The following ZNF346 variants were observed in gnomAD, a reference collection of about 807,000 sequenced individuals.
ZNF346 encodes double-stranded RNA-binding zinc finger protein JAZ.
In ZNF346, 23 loss-of-function variants were observed where a neutral mutation model predicts 33.7. The ratio of observed to expected loss-of-function variants is 0.68; its 90% CI spans 0.49 to 0.97. The LOEUF (loss-of-function observed/expected upper bound fraction) is 0.97. ZNF346 is among the 50% of genes least tolerant of loss of function. The pLI, the probability that ZNF346 is intolerant of heterozygous loss-of-function variation, is 0.00. For missense variants in ZNF346, 340 were observed against 371.1 expected (o/e 0.92, Z 0.69); for synonymous variants, 134 against 142.4 (o/e 0.94, Z 0.42).
Position 177,035,633 on chromosome 5 carries a change from CTTTTT to C in ZNF346, c.176-5475_176-5471del, listed in dbSNP as rs57259759. ...CTTACCATCACACCCGGCTAATTGACTTTTTTTTTTTTTTTTTTTTTTGAGACAGT... is the reference window on the plus strand; with the variant it reads ...CTTACCATCACACCCGGCTAATTGACTTTTTTTTTTTTTTTTTGAGACAGT... On this transcript the variant is annotated intron_variant, in intron 1 of 6. Coordinates refer to ENST00000358149, the MANE Select transcript of ZNF346 (RefSeq NM_012279.4). Among the ~76,000 whole-genome samples, 440 of 102,050 alleles carry C rather than the reference CTTTTT, an allele frequency of 4.3e-3. 3 individuals carry two copies. Among genetic ancestry groups the C allele is most frequent in the African/African-American group, 0.012 (309 of 24,770 alleles). The allele number at this position is 102,050 out of a possible 152,430, so 66.9% of individuals were successfully genotyped here.
chr5:177,059,113 G>T (rs1782147613), intron 5 of ZNF346, among the ~76,000 whole-genome samples: 1 of 152,204 alleles, frequency 6.6e-6, no homozygotes, highest in Non-Finnish European at 1.5e-5. Flanking sequence ...CATTCATTTA[G>T]TCAAGTCACC....
intron 1 of ZNF346, among the ~76,000 whole-genome samples, chr5:177,039,621 C>T (rs1779072111): frequency 6.6e-6 from 1 of 152,144 alleles, no homozygotes; most frequent in African/African-American, 2.4e-5. Flanking sequence ...GCCACCACCC[C>T]CGGCTAGTTT....
rs1046844320 is a variant in ZNF346 at position 177,022,925 on chromosome 5, G to C, written c.175+12G>C. The C allele has an allele frequency of 6.9e-7, 1 of 1,458,006 alleles. No individual in the cohort carries two copies. Among genetic ancestry groups the C allele is most frequent in the Non-Finnish European group, 9.0e-7 (1 of 1,105,926 alleles). The allele number at this position is 1,458,006 out of a possible 1,614,324, so 90.3% of individuals were successfully genotyped here. A position where few individuals can be genotyped will look rare whatever the true frequency, so the allele number is the denominator to read the frequency against. On this transcript the variant is annotated intron_variant, in intron 1 of 6. Transcript: ENST00000358149. ...GGGTAGAGAGGAAGGTGAGTCGGGG[G>C]CTTTGGAGGCAGAAAGCCCCTCGCC...
chr5:177,024,626 G>A (rs1776509519), intron 1 of ZNF346, among the ~76,000 whole-genome samples: 1 of 152,210 alleles, frequency 6.6e-6, no homozygotes, highest in Non-Finnish European at 1.5e-5. Context: ...GAGTATCAGA[G>A]GAAGATACTG....
At chr5:177,062,948 T>C (rs540738391) in intron 6 of ZNF346, among the ~76,000 whole-genome samples, 1 of 152,276 alleles carries the variant, frequency 6.6e-6, no homozygotes, top group South Asian at 2.1e-4. Flanking sequence ...GGCTCAGAAG[T>C]AGGCTATGGC....
chr5:177,025,241 C>G (rs1776590617), intron 1 of ZNF346, among the ~76,000 whole-genome samples: 1 of 152,144 alleles, frequency 6.6e-6, no homozygotes, highest in South Asian at 2.1e-4. Context: ...ATTAGTACTT[C>G]ATTCCTTTTT....
chr5:177,027,062 CT>C (rs1052318590), intron 1 of ZNF346, among the ~76,000 whole-genome samples: 2 of 151,754 alleles, frequency 1.3e-5, no homozygotes, highest in African/African-American at 4.8e-5. Flanking sequence ...AAGTTATCTT[CT>C]TTTTTTTCAG....
At chr5:177,048,062 T>C (rs1780335479) in intron 4 of ZNF346, among the ~76,000 whole-genome samples, 1 of 152,226 alleles carries the variant, frequency 6.6e-6, no homozygotes, top group African/African-American at 2.4e-5. Context: ...CGTCTAATGC[T>C]GAACATTTAA....
At chr5:177,075,298 GA>G (rs1463556282) in intron 8 of ZNF346, among the ~76,000 whole-genome samples, 2 of 152,000 alleles carry the variant, frequency 1.3e-5, no homozygotes, top group Non-Finnish European at 2.9e-5. Flanking sequence ...AGCTACTCAT[GA>G]GGCTGAGGCG....
intron 1 of ZNF346, among the ~76,000 whole-genome samples, chr5:177,027,643 C>G (rs979303444): frequency 7.0e-6 from 1 of 142,158 alleles, no homozygotes; most frequent in African/African-American, 2.5e-5. Flanking sequence ...CTAAGCTTTT[C>G]TTTCTTCCTT....
chr5:177,062,098 G>A lies in ZNF346; in HGVS notation c.744G>A (p.Leu248=), dbSNP rs1782619990. ...GYPCKTCKIV[L]NSIEQYQAHV... is the part of the protein sequence containing the mutation. ...CCTGCAAAACATGTAAGATAGTGCT[G>A]AACTCCATAGAACAGTACCAAGCTC... Residue 248 remains leucine, a synonymous_variant, in exon 6 of 7, where the codon CTG becomes CTA. Transcript: ENST00000358149. 2 of 1,613,980 alleles carry A rather than the reference G, an allele frequency of 1.2e-6. No individual in the cohort carries two copies. Among genetic ancestry groups the A allele is most frequent in the African/African-American group, 1.3e-5 (1 of 74,924 alleles).
At chr5:177,058,099 G>T (rs978493227) in intron 5 of ZNF346, among the ~76,000 whole-genome samples, 5 of 151,476 alleles carry the variant, frequency 3.3e-5, no homozygotes, top group Non-Finnish European at 5.9e-5. Context: ...GGGATTACAG[G>T]CATGAGCCAC....
chr5:177,045,115 C>G (rs1421012838), intron 4 of ZNF346, among the ~76,000 whole-genome samples: 1 of 152,208 alleles, frequency 6.6e-6, no homozygotes, highest in Non-Finnish European at 1.5e-5. Context: ...CTCGTCACGA[C>G]TAGGGCTCAG....
rs1015080240 is a variant in ZNF346, at chr5:177,050,761, G to A, written c.528G>A (p.Gln176=). ...QQSTKVEALH[Q]NREMIDPDKF... ...TGGCCTCCACCTTAGCCTTGCACCA[G>A]AATAGAGAGATGATAGACCCAGACA... Residue 176 remains glutamine (Q), a synonymous_variant, in exon 5 of 7, where the codon CAG becomes CAA. Transcript: ENST00000358149. 2.5e-6 allele frequency: 4 copies of A among 1,614,194 alleles called. No individual in the cohort carries two copies. The South Asian group carries it at 4.4e-5, about 18-fold the overall frequency.
At chr5:177,036,749 G>C (rs886079137) in intron 1 of ZNF346, among the ~76,000 whole-genome samples, 4 of 152,096 alleles carry the variant, frequency 2.6e-5, no homozygotes, top group African/African-American at 9.7e-5. Flanking sequence ...GAAATCAAGT[G>C]ATTTCCTTCC....
chr5:177,058,202 C>T (rs910306432), intron 5 of ZNF346, among the ~76,000 whole-genome samples: 4 of 151,322 alleles, frequency 2.6e-5, no homozygotes, highest in Non-Finnish European at 4.4e-5. Flanking sequence ...TAGCTGGGCG[C>T]GGTGGCTCAC....
chr5:177,047,705 C>T (rs1325242310), intron 4 of ZNF346, among the ~76,000 whole-genome samples: 1 of 152,114 alleles, frequency 6.6e-6, no homozygotes, highest in Non-Finnish European at 1.5e-5. Flanking sequence ...AGGGTTTCAA[C>T]ATATTGCTCA....
intron 1 of ZNF346, among the ~76,000 whole-genome samples, chr5:177,027,501 G>T (rs769119142): frequency 6.7e-6 from 1 of 149,250 alleles, no homozygotes; most frequent in Non-Finnish European, 1.5e-5. Context: ...CACGAGAATC[G>T]CTTGAACCCA....
chr5:177,026,012 A>T (rs559873164), intron 1 of ZNF346, among the ~76,000 whole-genome samples: 15 of 147,722 alleles, frequency 1.0e-4, no homozygotes, highest in Non-Finnish European at 2.1e-4. Context: ...TTTTTTTGAG[A>T]TGCAGTCTCA....
Sources: gnomAD v4.1 joint callset for allele counts (sites outside exome capture counted in the v4.1 genomes callset) on GRCh38, gnomAD v4.1.1 for gene constraint, MANE v1.5 for transcripts, NCBI Gene and HGNC (gene_info 2026-07-23, HGNC 2026-07-21) for gene names.